ZZZ3: variants seen among roughly 807,000 people sequenced by gnomAD.
ZZZ3 encodes ZZ-type zinc finger-containing protein 3.
A neutral mutation model predicts 95.2 loss-of-function variants in ZZZ3; 22 were observed. The ratio of observed to expected loss-of-function variants is 0.23; its 90% CI spans 0.17 to 0.33. The LOEUF is 0.33. ZZZ3 is among the 10% of genes least tolerant of loss of function. The pLI, the probability that ZZZ3 is intolerant of heterozygous loss-of-function variation, is 1.00. For missense variants in ZZZ3, 885 were observed against 1,066.5 expected, an observed-to-expected ratio of 0.83 and a Z score of 2.37; for synonymous variants, 335 against 358.9, an observed-to-expected ratio of 0.93 and a Z score of 0.75.
chr1:77,678,816 TTA>T (rs997334945), intron 1 of ZZZ3, among the ~76,000 whole-genome samples: 1 of 152,206 alleles, frequency 6.6e-6, no homozygotes, highest in Non-Finnish European at 1.5e-5. Flanking sequence ...TTTTGAAGGC[TTA>T]GAGATTTTTT....
At chr1:77,622,698 T>A (rs917109630) in intron 5 of ZZZ3, among the ~76,000 whole-genome samples, 1 of 152,174 alleles carries the variant, frequency 6.6e-6, no homozygotes, top group Admixed American at 6.5e-5. Context: ...CTTTTACCCA[T>A]CCTCAAGAAC....
At chr1:77,627,936 A>T (rs908482250) in intron 5 of ZZZ3, among the ~76,000 whole-genome samples, 3 of 152,216 alleles carry the variant, frequency 2.0e-5, no homozygotes, top group Admixed American at 6.5e-5. Flanking sequence ...AATGTTGCAC[A>T]ATGATAATTC....
intron 5 of ZZZ3, among the ~76,000 whole-genome samples, chr1:77,604,012 T>C (rs1430262961): frequency 6.6e-6 from 1 of 151,872 alleles, no homozygotes; most frequent in East Asian, 1.9e-4. Context: ...AAAAAAAAAA[T>C]TTAAAAATTA....
intron 1 of ZZZ3, among the ~76,000 whole-genome samples, chr1:77,665,043 C>G (rs1671133159): frequency 6.6e-6 from 1 of 152,182 alleles, no homozygotes; most frequent in South Asian, 2.1e-4. Flanking sequence ...TTTAAATGAT[C>G]TAAAACCTGT....
intron 5 of ZZZ3, among the ~76,000 whole-genome samples, chr1:77,618,598 G>A (rs1332272003): frequency 3.3e-5 from 5 of 152,132 alleles, no homozygotes; most frequent in African/African-American, 1.2e-4. Context: ...CCTCGAATTT[G>A]TTTTCTGATC....
At chr1:77,658,942 A>G (rs1670536886) in intron 1 of ZZZ3, among the ~76,000 whole-genome samples, 1 of 152,202 alleles carries the variant, frequency 6.6e-6, no homozygotes, top group African/African-American at 2.4e-5. Context: ...TTTTTAAATG[A>G]CTATGCAAGA....
At chr1:77,589,489 G>A (rs1022543464) in intron 5 of ZZZ3, among the ~76,000 whole-genome samples, 1 of 151,350 alleles carries the variant, frequency 6.6e-6, no homozygotes, top group African/African-American at 2.4e-5. Flanking sequence ...CCAGGTTGAA[G>A]GGCAGTGGTG....
At chr1:77,672,618 CTT>C (rs1488016667) in intron 1 of ZZZ3, among the ~76,000 whole-genome samples, 1 of 152,204 alleles carries the variant, frequency 6.6e-6, no homozygotes, top group African/African-American at 2.4e-5. Context: ...AAACAAACAA[CTT>C]TCAGGCGATT....
intron 5 of ZZZ3, among the ~76,000 whole-genome samples, chr1:77,629,501 C>T (rs1191040095): frequency 6.6e-6 from 1 of 152,038 alleles, no homozygotes; most frequent in Non-Finnish European, 1.5e-5. Context: ...CACCTGTAGT[C>T]CCAGCAGCAA....
intron 5 of ZZZ3, among the ~76,000 whole-genome samples, chr1:77,622,493 C>G (rs1410704822): frequency 6.6e-6 from 1 of 151,580 alleles, no homozygotes; most frequent in African/African-American, 2.4e-5. Context: ...AGAAAACCAT[C>G]TACTAGAAAC....
chr1:77,626,820 C>A (rs111982190), intron 5 of ZZZ3, among the ~76,000 whole-genome samples: 3 of 152,262 alleles, frequency 2.0e-5, no homozygotes, highest in African/African-American at 7.2e-5. Context: ...CCAGAGTATT[C>A]TTTTCATATT....
intron 5 of ZZZ3, among the ~76,000 whole-genome samples, chr1:77,621,020 A>G (rs1005312547): frequency 6.6e-6 from 1 of 152,236 alleles, no homozygotes; most frequent in Admixed American, 6.5e-5. Flanking sequence ...AAAGCTTAGC[A>G]TCATACTGCC....
At chr1:77,629,122 A>G (rs1667569601) in intron 5 of ZZZ3, among the ~76,000 whole-genome samples, 1 of 152,174 alleles carries the variant, frequency 6.6e-6, no homozygotes, top group Non-Finnish European at 1.5e-5. Flanking sequence ...AAAAGAGCCA[A>G]CATTATATCC....
Position 77,578,870 on chromosome 1 carries a change from C to A in ZZZ3, c.2083-1G>T. On this transcript the variant is annotated splice_acceptor_variant, in intron 10 of 14. Transcript: ENST00000370801. LOFTEE classifies it high-confidence loss of function. ...AATACTTCTGTACTCGGCTGGCAAC[C>A]TAAGGAAACATGACAAGTCTCTTAA... The A allele has an allele frequency of 6.5e-7, 1 of 1,545,782 alleles. No individual in the cohort carries two copies.
intron 1 of ZZZ3, among the ~76,000 whole-genome samples, chr1:77,668,915 G>A (rs962938821): frequency 2.6e-5 from 4 of 151,886 alleles, no homozygotes; most frequent in Middle Eastern, 3.4e-3. Flanking sequence ...TTTATCAGAA[G>A]CTCTGATCTT....
chr1:77,575,189 G>T (rs549053686), intron 12 of ZZZ3, among the ~76,000 whole-genome samples: 3 of 151,642 alleles, frequency 2.0e-5, no homozygotes, highest in Non-Finnish European at 4.4e-5. Flanking sequence ...GCCTAAAAAA[G>T]AAAGAAAAAG....
At chr1:77,629,487 C>T (rs930925462) in intron 5 of ZZZ3, among the ~76,000 whole-genome samples, 7 of 151,952 alleles carry the variant, frequency 4.6e-5, no homozygotes, top group East Asian at 1.9e-4. Context: ...GGTGTGATGG[C>T]GTACACCTGT....
intron 5 of ZZZ3, among the ~76,000 whole-genome samples, chr1:77,627,463 C>T (rs567806889): frequency 4.5e-4 from 69 of 152,182 alleles, no homozygotes; most frequent in African/African-American, 1.6e-3. Flanking sequence ...AAAGTAGACT[C>T]TCAATAAGTA....
At chr1:77,676,129 A>G (rs1401998648) in intron 1 of ZZZ3, among the ~76,000 whole-genome samples, 1 of 152,220 alleles carries the variant, frequency 6.6e-6, no homozygotes, top group Non-Finnish European at 1.5e-5. Flanking sequence ...AAAATCTGCC[A>G]AAGTAGTTTT....
Sources: gnomAD v4.1 joint callset for allele counts (sites outside exome capture counted in the v4.1 genomes callset) on GRCh38, gnomAD v4.1.1 for gene constraint, MANE v1.5 for transcripts, NCBI Gene and HGNC (gene_info 2026-07-23, HGNC 2026-07-21) for gene names.